Variants in TMOD2 observed in about 807,000 individuals in gnomAD.
TMOD2 encodes the protein tropomodulin 2.
In TMOD2, 22 loss-of-function variants were observed where a neutral mutation model predicts 39.9. The observed-to-expected ratio is 0.55, with a 90% CI of 0.39 to 0.79. The LOEUF (loss-of-function observed/expected upper bound fraction) is 0.79. Ranked by LOEUF, TMOD2 falls within the 30% of genes least tolerant of loss-of-function variation. The pLI, the probability that TMOD2 is intolerant of heterozygous loss-of-function variation, is 0.00. For missense variants in TMOD2, 386 were observed against 413.3 expected, an observed-to-expected ratio of 0.93 and a Z score of 0.57; for synonymous variants, 123 against 146.1, an observed-to-expected ratio of 0.84 and a Z score of 1.14.
chr15:51,781,823 A>AGAGT (rs368954467), intron 6 of TMOD2, among the ~76,000 whole-genome samples: 4,860 of 149,428 alleles, frequency 0.033, 99 homozygotes, highest in Non-Finnish European at 0.047. Context: ...AGAGAGAGAG[A>AGAGT]GTGTGTGTGT....
At chr15:51,806,313 G>T in intron 8 of TMOD2, 64 bp from the exon 9 acceptor site, 1 of 1,585,760 alleles carries the variant, frequency 6.3e-7, no homozygotes, top group South Asian at 1.1e-5. Flanking sequence ...TCTTTTTCCT[G>T]TGCAAGTAAC....
At chr15:51,801,745 G>C (rs2056091786) in intron 8 of TMOD2, among the ~76,000 whole-genome samples, 1 of 152,178 alleles carries the variant, frequency 6.6e-6, no homozygotes, top group South Asian at 2.1e-4. Flanking sequence ...GAAAAACACA[G>C]AAGGCGATTT....
chr15:51,758,728 T>G (rs1042365393), intron 1 of TMOD2, among the ~76,000 whole-genome samples: 3 of 152,202 alleles, frequency 2.0e-5, no homozygotes, highest in African/African-American at 7.2e-5. Context: ...AGATGGGGAG[T>G]GACCCAGACC....
intron 1 of TMOD2, among the ~76,000 whole-genome samples, chr15:51,765,423 C>T (rs1225522021): frequency 6.6e-6 from 1 of 152,188 alleles, no homozygotes; most frequent in East Asian, 1.9e-4. Context: ...TCTTGTTTAT[C>T]TTTGTATTTC....
intron 8 of TMOD2, among the ~76,000 whole-genome samples, chr15:51,801,285 CCTGTCTCT>C (rs1157470077): frequency 2.4e-5 from 2 of 83,002 alleles, no homozygotes; most frequent in Non-Finnish European, 4.8e-5. Context: ...ACACACACAC[CCTGTCTCT>C]CTCTCTCTCT....
At chr15:51,782,560 C>T (rs1321210595) in intron 6 of TMOD2, among the ~76,000 whole-genome samples, 161 bp from the exon 7 acceptor site, 1 of 152,170 alleles carries the variant, frequency 6.6e-6, no homozygotes, top group Non-Finnish European at 1.5e-5. Context: ...GCTGTTAGCT[C>T]AGGATAGCTT....
intron 8 of TMOD2, 26 bp from the exon 9 acceptor site, chr15:51,806,351 G>C (rs754457666): frequency 1.8e-5 from 29 of 1,613,266 alleles, no homozygotes; most frequent in Admixed American, 3.3e-5. Context: ...TGGTCATCCT[G>C]TGCATGTGTC....
rs1001277535 is a variant in TMOD2, at chr15:51,812,769, C to A, written c.*4315C>A. 6.6e-6 allele frequency: 1 copy of A among 152,206 alleles called. No individual in the cohort carries two copies. Among genetic ancestry groups the A allele is most frequent in the Non-Finnish European group, 1.5e-5 (1 of 68,038 alleles). The allele number at this position is 152,206 out of a possible 1,614,324, so 9.4% of individuals were successfully genotyped here. ...GTTTTAAGTCATGATCCTGAAGCTT[C>A]CTTCCCCTCTTCCACTAATGATGCA... On this transcript the variant is annotated 3_prime_UTR_variant, in exon 10 of 10. Transcript: ENST00000249700.
chr15:51,780,052 T>C (rs572552016), intron 5 of TMOD2, among the ~76,000 whole-genome samples: 3 of 152,354 alleles, frequency 2.0e-5, no homozygotes, highest in Non-Finnish European at 4.4e-5. Context: ...TTTACCCATT[T>C]TCATATTGGT....
intron 8 of TMOD2, among the ~76,000 whole-genome samples, chr15:51,805,290 T>G (rs2141644961): frequency 6.6e-6 from 1 of 152,122 alleles, no homozygotes. Context: ...AAAAAAACCC[T>G]CTATTTTTTA....
At chr15:51,792,738 A>G (rs140386294) in intron 7 of TMOD2, among the ~76,000 whole-genome samples, 4 of 152,354 alleles carry the variant, frequency 2.6e-5, no homozygotes, top group East Asian at 1.9e-4. Context: ...GCTGGAAACT[A>G]TCATTCTCAG....
At chr15:51,790,822 T>A (rs916166864) in intron 7 of TMOD2, among the ~76,000 whole-genome samples, 3 of 152,084 alleles carry the variant, frequency 2.0e-5, no homozygotes, top group African/African-American at 7.2e-5. Context: ...TGCTAAAAAC[T>A]CTCAATCAAC....
Position 51,798,969 on chromosome 15 carries a change from C to T in TMOD2, c.876+629C>T, listed in dbSNP as rs549365571. Among the ~76,000 whole-genome samples, 321 of 152,306 alleles carry T rather than the reference C, an allele frequency of 2.1e-3. 4 individuals carry two copies. The highest frequency in any genetic ancestry group is 0.018 in the Admixed American group (278 of 15,300). On this transcript the variant is annotated intron_variant, in intron 8 of 9. Coordinates refer to ENST00000249700, the MANE Select transcript of TMOD2 (RefSeq NM_014548.4). Reference sequence around the variant, plus strand: ...ATGACCACAGCATTTCTCAGGTTCCCGTCTGCAGCCAAAGCAAGGTGCTTT... The same window carrying T: ...ATGACCACAGCATTTCTCAGGTTCCTGTCTGCAGCCAAAGCAAGGTGCTTT...
intron 1 of TMOD2, among the ~76,000 whole-genome samples, chr15:51,763,689 C>T (rs897906988): frequency 3.3e-5 from 5 of 152,188 alleles, no homozygotes; most frequent in African/African-American, 1.2e-4. Flanking sequence ...AAAGAGTATT[C>T]CACAGTTGTC....
Position 51,776,997 on chromosome 15 carries a change from G to C in TMOD2, c.472G>C (p.Gly158Arg). The C allele has an allele frequency of 6.2e-7, 1 of 1,613,834 alleles. No homozygotes were observed. The highest frequency in any genetic ancestry group is 8.5e-7 in the Non-Finnish European group (1 of 1,179,808). ...KFDEETANNKGGKGPVRNVVK... is the reference protein window; with the variant it reads ...KFDEETANNKRGKGPVRNVVK... ...CGATGAAGAAACAGCCAACAATAAA[G>C]GTGGCAAAGGACCTGTCAGAAGTAA... Residue 158 changes from glycine (G) to arginine (R), a missense_variant, in exon 5 of 10, where the codon GGT (glycine) becomes CGT (arginine). Gly to Arg is a moderately radical substitution (Grantham distance 125). Coordinates refer to ENST00000249700, the MANE Select transcript of TMOD2 (RefSeq NM_014548.4).
intron 6 of TMOD2, among the ~76,000 whole-genome samples, chr15:51,781,767 GATA>G (rs1330993500): frequency 1.3e-5 from 2 of 151,832 alleles, no homozygotes; most frequent in Non-Finnish European, 2.9e-5. Flanking sequence ...TATTCAATTT[GATA>G]ATAAGTCATG....
intron 7 of TMOD2, among the ~76,000 whole-genome samples, chr15:51,797,711 T>A (rs564230653): frequency 6.6e-6 from 1 of 152,278 alleles, no homozygotes; most frequent in Non-Finnish European, 1.5e-5. Context: ...AGTTATTTTT[T>A]AAAAATTCTG....
intron 8 of TMOD2, among the ~76,000 whole-genome samples, chr15:51,802,225 AAAAT>A (rs2056095155): frequency 6.6e-6 from 1 of 152,034 alleles, no homozygotes; most frequent in Admixed American, 6.5e-5. Flanking sequence ...CCCTCAAAAA[AAAAT>A]AAAGCTATTA....
Position 51,798,356 on chromosome 15 carries a change from G to T in TMOD2, c.876+16G>T, listed in dbSNP as rs1246198523. 3 of 1,612,668 alleles carry T rather than the reference G, an allele frequency of 1.9e-6. No individual in the cohort carries two copies. Among genetic ancestry groups the T allele is most frequent in the Non-Finnish European group, 1.7e-6 (2 of 1,179,588 alleles). On this transcript the variant is annotated intron_variant, in intron 8 of 9. Transcript: ENST00000249700. Reference sequence around the variant, plus strand: ...TGACAACCAGGTAAGGAAGGCCAGAGAATAGGCAAAGTCAACTCACAGGGT... The same window carrying T: ...TGACAACCAGGTAAGGAAGGCCAGATAATAGGCAAAGTCAACTCACAGGGT...
Sources: allele counts gnomAD v4.1 joint callset (sites outside exome capture counted in the v4.1 genomes callset), GRCh38; gene constraint gnomAD v4.1.1; transcripts MANE v1.5; gene names NCBI Gene and HGNC (gene_info 2026-07-23, HGNC 2026-07-21).